Variants in ESR2 observed in about 807,000 individuals in gnomAD.
The protein encoded by ESR2 is estrogen receptor 2.
ESR2 carries 36 observed loss-of-function variants against 49.6 expected under a neutral mutation model. The observed-to-expected ratio is 0.73, with a 90% CI of 0.56 to 0.96. The LOEUF (loss-of-function observed/expected upper bound fraction) is 0.96, where lower values mean the gene tolerates loss of function less well. Ranked by LOEUF, ESR2 falls within the 40% of genes least tolerant of loss-of-function variation. The pLI, the probability that ESR2 is intolerant of heterozygous loss-of-function variation, is 0.00. For synonymous variants in ESR2, 320 were observed against 266.1 expected, an observed-to-expected ratio of 1.20 and a Z score of -1.97; for missense variants, 714 against 693.0, an observed-to-expected ratio of 1.03 and a Z score of -0.34.
chr14:64,298,784 CTT>C (rs2076988594), upstream of ESR2, among the ~76,000 whole-genome samples: 1 of 152,148 alleles, frequency 6.6e-6, no homozygotes, highest in East Asian at 1.9e-4. Flanking sequence ...TAAAAAATAA[CTT>C]TTTGTCCTGT....
At chr14:64,246,915 G>A (rs2140667542) in intron 7 of ESR2, among the ~76,000 whole-genome samples, 1 of 152,178 alleles carries the variant, frequency 6.6e-6, no homozygotes, top group Non-Finnish European at 1.5e-5. Flanking sequence ...AGGCAGGTAA[G>A]GCCAGATTGA....
At chr14:64,287,919 A>G (rs2076807696) in intron 1 of ESR2, among the ~76,000 whole-genome samples, 1 of 152,240 alleles carries the variant, frequency 6.6e-6, no homozygotes, top group Non-Finnish European at 1.5e-5. Context: ...AATTGTCTCT[A>G]AAGAGTTTAA....
chr14:64,258,210 AAAATAAAT>A (rs142382720), intron 5 of ESR2, among the ~76,000 whole-genome samples: 10,090 of 150,700 alleles, frequency 0.067, 398 homozygotes, highest in Non-Finnish European at 0.08. Context: ...CCCTGTCTCA[AAAATAAAT>A]AAATAAATAA....
At chr14:64,311,204 T>C (rs1384036288) in intron 1 of ESR2, among the ~76,000 whole-genome samples, 3 of 152,168 alleles carry the variant, frequency 2.0e-5, no homozygotes, top group Non-Finnish European at 4.4e-5. Context: ...TAAAGAAAAT[T>C]ATTAATATTT....
rs144146629 is a variant in ESR2, at chr14:64,272,696, T to G, written c.536-3785A>C. Among the ~76,000 whole-genome samples, 861 of 152,344 alleles carry G rather than the reference T, an allele frequency of 5.7e-3. 10 individuals are homozygous for G. Among genetic ancestry groups the G allele is most frequent in the African/African-American group, 0.02 (834 of 41,568 alleles). ...AACTGTAGATGTATGGATTTGTTTC[T>G]GGGTTCTCTATTCTGTTCCATTGAT... On this transcript the variant is annotated intron_variant, in intron 3 of 8. Transcript: ENST00000341099.
chr14:64,271,272 T>C (rs551329220), intron 3 of ESR2, among the ~76,000 whole-genome samples: 20 of 151,708 alleles, frequency 1.3e-4, no homozygotes, highest in African/African-American at 4.8e-4. Context: ...CCACTACCCT[T>C]CCTAGCCTCT....
chr14:64,300,996 T>A (rs1233871576), intron 1 of ESR2, among the ~76,000 whole-genome samples: 1 of 152,232 alleles, frequency 6.6e-6, no homozygotes, highest in Non-Finnish European at 1.5e-5. Context: ...TTGCCTGCAC[T>A]ATTTAATTTT....
chr14:64,256,969 C>A (rs556261843), intron 6 of ESR2, among the ~76,000 whole-genome samples: 98 of 152,232 alleles, frequency 6.4e-4, no homozygotes, highest in Non-Finnish European at 1.0e-3. Flanking sequence ...CACATACCTA[C>A]GGGATACAGT....
chr14:64,287,873 A>C (rs752277660), intron 1 of ESR2, among the ~76,000 whole-genome samples: 1 of 152,224 alleles, frequency 6.6e-6, no homozygotes, highest in Non-Finnish European at 1.5e-5. Flanking sequence ...ATGTTCAAAC[A>C]TGGCCTCAGT....
At position 64,233,128 on chromosome 14, in the gene ESR2, G is replaced by A. The variant is rs1414551434; in HGVS notation, c.*9C>T. On this transcript the variant is annotated 3_prime_UTR_variant, in exon 9 of 9. Transcript: ENST00000341099. ...ACCTCTGTGGGCCAGTTCACCTCAGGGCCAGGCGTCACTGAGACTGTGGGT... is the reference window on the plus strand; with the variant it reads ...ACCTCTGTGGGCCAGTTCACCTCAGAGCCAGGCGTCACTGAGACTGTGGGT... The A allele has an allele frequency of 6.2e-7, 1 of 1,611,806 alleles. No individual in the cohort carries two copies. Among genetic ancestry groups the A allele is most frequent in the East Asian group, 2.2e-5 (1 of 44,806 alleles).
chr14:64,332,620 GA>G (rs1445052581), intron 1 of ESR2, among the ~76,000 whole-genome samples: 1 of 151,818 alleles, frequency 6.6e-6, no homozygotes, highest in Non-Finnish European at 1.5e-5. Context: ...CTAACACGGT[GA>G]AACCCCGTCT....
At chr14:64,306,038 G>A (rs1171959429) in intron 1 of ESR2, among the ~76,000 whole-genome samples, 1 of 151,900 alleles carries the variant, frequency 6.6e-6, no homozygotes, top group Non-Finnish European at 1.5e-5. Context: ...GTGAAACCCC[G>A]TCCCTAGTAA....
At chr14:64,244,205 CCTGT>C (rs912811961) in intron 7 of ESR2, among the ~76,000 whole-genome samples, 1 of 152,086 alleles carries the variant, frequency 6.6e-6, no homozygotes, top group Non-Finnish European at 1.5e-5. Flanking sequence ...TCGAGACCAG[CCTGT>C]CTAATGTGGT....
chr14:64,315,446 T>G (rs2077242297), intron 1 of ESR2, among the ~76,000 whole-genome samples: 2 of 151,908 alleles, frequency 1.3e-5, no homozygotes, highest in African/African-American at 4.8e-5. Context: ...AATCATCCAA[T>G]ATTAAGTAGG....
intron 3 of ESR2, among the ~76,000 whole-genome samples, chr14:64,271,746 ATT>A (rs2076450639): frequency 6.6e-6 from 1 of 152,186 alleles, no homozygotes; most frequent in African/African-American, 2.4e-5. Context: ...GATCTCATTC[ATT>A]TTATGGCCGA....
chr14:64,280,217 A>G, intron 2 of ESR2, 64 bp from the exon 3 acceptor site: 1 of 1,191,648 alleles, frequency 8.4e-7, no homozygotes, highest in East Asian at 2.4e-5. Context: ...CTTTCTAGGA[A>G]AAAAAAATAG....
intron 6 of ESR2, among the ~76,000 whole-genome samples, chr14:64,252,786 G>A (rs937848776): frequency 6.6e-6 from 1 of 152,094 alleles, no homozygotes; most frequent in Admixed American, 6.6e-5. Flanking sequence ...CCCTTGACAC[G>A]TGGAGATTAC....
At chr14:64,256,940 G>A (rs139804820) in intron 6 of ESR2, among the ~76,000 whole-genome samples, 29 of 152,106 alleles carry the variant, frequency 1.9e-4, no homozygotes, top group African/African-American at 6.0e-4. Context: ...AATCTGTGTC[G>A]ACTTATACAC....
rs183822361 is a variant in ESR2, at chr14:64,275,987, A to G, written c.535+3994T>C. On this transcript the variant is annotated intron_variant, in intron 3 of 8. Coordinates refer to ENST00000341099, the MANE Select transcript of ESR2 (RefSeq NM_001437.3). ...GAGAAAATTAACGAGAGATAAATAC[A>G]TTTGGTTATTTCATTCAGTATGCCA... Among the ~76,000 whole-genome samples the G allele has an allele frequency of 1.1e-4, 17 of 152,352 alleles. 1 individual carries two copies. The highest frequency in any genetic ancestry group is 1.1e-3 in the Admixed American group (17 of 15,304).
Sources: allele counts gnomAD v4.1 joint callset (sites outside exome capture counted in the v4.1 genomes callset), GRCh38; gene constraint gnomAD v4.1.1; transcripts MANE v1.5; gene names NCBI Gene and HGNC (gene_info 2026-07-23, HGNC 2026-07-21).